CASK: variants seen among roughly 807,000 people sequenced by gnomAD.
The protein encoded by CASK is peripheral plasma membrane protein CASK.
Under a neutral mutation model 82.9 loss-of-function variants are expected in CASK, and 4 were observed. That is an observed-to-expected ratio of 0.05 (90% CI 0.02 to 0.11). The LOEUF is 0.11. CASK is among the 10% of genes least tolerant of loss of function. The pLI is 1.00. For missense variants in CASK, 358 were observed against 720.9 expected, an observed-to-expected ratio of 0.50 and a Z score of 5.76; for synonymous variants, 259 against 253.5, an observed-to-expected ratio of 1.02 and a Z score of -0.20.
chrX:41,747,778 C>G (rs374626953), intron 3 of CASK, among the ~76,000 whole-genome samples: 1 of 112,472 alleles, frequency 8.9e-6, no homozygotes, highest in East Asian at 2.8e-4. Flanking sequence ...AGACCAGAAA[C>G]AGTTTAACAA....
At chrX:41,789,770 C>T (rs984626286) in intron 2 of CASK, among the ~76,000 whole-genome samples, 1 of 111,674 alleles carries the variant, frequency 9.0e-6, no homozygotes, top group Non-Finnish European at 1.9e-5. Flanking sequence ...AAGTTTTTCT[C>T]TTTCCATTCC....
intron 5 of CASK, chrX:41,697,017 A>T: frequency 3.7e-6 from 1 of 272,864 alleles, no homozygotes; most frequent in Non-Finnish European, 6.8e-6. Flanking sequence ...TATGAAGTTA[A>T]GTGAAATTTA....
At chrX:41,618,825 CTTT>C (rs1207067880) in intron 11 of CASK, among the ~76,000 whole-genome samples, 2 of 89,883 alleles carry the variant, frequency 2.2e-5, no homozygotes, top group Admixed American at 1.2e-4. Context: ...TGTCCAATTT[CTTT>C]TTTTTTTTTT....
intron 2 of CASK, among the ~76,000 whole-genome samples, chrX:41,811,161 T>C (rs1460411512): frequency 1.8e-5 from 2 of 111,247 alleles, no homozygotes; most frequent in African/African-American, 3.3e-5. Context: ...CTGTCAACAT[T>C]AGACAGATAA....
At chrX:41,670,120 C>G (rs1391563882) in intron 6 of CASK, among the ~76,000 whole-genome samples, 1 of 111,969 alleles carries the variant, frequency 8.9e-6, no homozygotes, top group African/African-American at 3.3e-5. Flanking sequence ...GACTACTTTG[C>G]TCTCTGAGGT....
chrX:41,686,915 G>A (rs182521141), intron 5 of CASK, among the ~76,000 whole-genome samples: 14 of 111,907 alleles, frequency 1.3e-4, no homozygotes, highest in Admixed American at 1.2e-3. Context: ...AGCGTGAAGG[G>A]AAGAGGACAT....
chrX:41,923,229 G>A lies in CASK; in HGVS notation c.-241C>T, dbSNP rs2072820440. On this transcript the variant is annotated 5_prime_UTR_variant, in exon 1 of 27. Coordinates refer to ENST00000378163, the MANE Select transcript of CASK (RefSeq NM_001367721.1). ...GGAGCGAGGGCGGCCCGGGCCCGGC[G>A]CCGCCCGCCCGCCCGCTGCTTCTCG... is the stretch of plus-strand genomic sequence containing the variant. 9.4e-6 allele frequency: 1 copy of A among 106,382 alleles called. No individual in the cohort carries two copies. Among genetic ancestry groups the A allele is most frequent in the African/African-American group, 3.3e-5 (1 of 30,079 alleles). 8.8% of individuals were successfully genotyped at this position (106,382 alleles called of 1,213,427 possible). A position where few individuals can be genotyped will look rare whatever the true frequency, so the allele number is the denominator to read the frequency against.
At chrX:41,715,571 G>A (rs779525350) in intron 5 of CASK, among the ~76,000 whole-genome samples, 2 of 107,842 alleles carry the variant, frequency 1.9e-5, no homozygotes, top group Non-Finnish European at 3.8e-5. Flanking sequence ...GCAGCGAGCC[G>A]AGATTGCGCC....
Position 41,530,928 on chromosome X carries a change from G to A in CASK, c.2520+79C>T, listed in dbSNP as rs780511524. 3 of 911,097 alleles carry A rather than the reference G, an allele frequency of 3.3e-6. No individual in the cohort carries two copies. In the East Asian group the frequency reaches 9.3e-5, roughly 28 times the overall value. The allele number at this position is 911,097 out of a possible 1,213,427, so 75.1% of individuals were successfully genotyped here. Reference sequence around the variant, plus strand: ...ATTATTATGTGACCTGTGACTTTCTGATGGCATTTTTGATTTCAGAATCTG... The same window carrying A: ...ATTATTATGTGACCTGTGACTTTCTAATGGCATTTTTGATTTCAGAATCTG... On this transcript the variant is annotated intron_variant, in intron 25 of 26. Coordinates refer to ENST00000378163, the MANE Select transcript of CASK (RefSeq NM_001367721.1).
intron 5 of CASK, among the ~76,000 whole-genome samples, chrX:41,707,105 A>G (rs749771142): frequency 2.9e-4 from 32 of 112,220 alleles, no homozygotes; most frequent in African/African-American, 9.1e-4. Flanking sequence ...ATTGCCCCCA[A>G]TTCCTGGCCA....
chrX:41,772,643 T>G (rs2069267505), intron 3 of CASK, among the ~76,000 whole-genome samples: 1 of 111,417 alleles, frequency 9.0e-6, no homozygotes, highest in South Asian at 3.7e-4. Context: ...TTTAAGGAAT[T>G]GAACTAAGAT....
intron 21 of CASK, among the ~76,000 whole-genome samples, chrX:41,546,581 C>T (rs1342873477): frequency 9.0e-6 from 1 of 111,020 alleles, no homozygotes; most frequent in Admixed American, 9.6e-5. Context: ...TATTCTCATG[C>T]CTCAGCCTCT....
In CASK at chrX:41,696,716, A is replaced by G. The variant is rs1260379970; in HGVS notation, c.430-25186T>C. On this transcript the variant is annotated intron_variant, in intron 5 of 26. Transcript: ENST00000378163. ...GTGAAAGCACTTCAGAATTTAAACC[A>G]GGATACTCCCTGCATGATACATCTG... 5.0e-6 allele frequency: 6 copies of G among 1,206,772 alleles called. No homozygotes were observed. The South Asian group carries it at 8.8e-5, about 18-fold the overall frequency.
chrX:41,755,926 C>T (rs2068885708), intron 3 of CASK, among the ~76,000 whole-genome samples: 1 of 111,531 alleles, frequency 9.0e-6, no homozygotes, highest in African/African-American at 3.3e-5. Context: ...TGTTCACTGA[C>T]AAGAAGACTC....
intron 2 of CASK, among the ~76,000 whole-genome samples, chrX:41,841,230 C>A (rs1453098888): frequency 9.0e-6 from 1 of 111,458 alleles, no homozygotes. Flanking sequence ...TGTTTTTTTA[C>A]TACAGCCATT....
rs191796203 is a variant in CASK, at chrX:41,553,477, C to T, written c.2039+242G>A. 7.8e-4 allele frequency among the ~76,000 whole-genome samples: 86 copies of T among 110,892 alleles called. 1 individual carries two copies. In the South Asian group the frequency reaches 0.011, roughly 14 times the overall value. ...CATGACTTGGCTCAGGGCTGCTCAT[C>T]CAATCTCTTTCCAGACCTTCCTTTC... On this transcript the variant is annotated intron_variant, in intron 21 of 26. Transcript: ENST00000378163.
At chrX:41,545,477 G>A (rs1394322934) in intron 21 of CASK, among the ~76,000 whole-genome samples, 1 of 112,074 alleles carries the variant, frequency 8.9e-6, no homozygotes, top group African/African-American at 3.2e-5. Context: ...GTCCATTTAC[G>A]TATGAGAGTG....
In CASK at chrX:41,887,296, CCACACACACACACACA is replaced by C. The variant is rs3055225; in HGVS notation, c.60-34085_60-34070del. Among the ~76,000 whole-genome samples, 75 of 83,505 alleles carry C rather than the reference CCACACACACACACACA, an allele frequency of 9.0e-4. 1 individual carries two copies. The highest frequency in any genetic ancestry group is 3.1e-3 in the South Asian group (4 of 1,303). 72.5% of individuals were successfully genotyped at this position (83,505 alleles called of 115,157 possible). A position where few individuals can be genotyped will look rare whatever the true frequency, so the allele number is the denominator to read the frequency against. ...TATCTTTCTTTTAGGCTAGTTGAGT[CCACACACACACACACA>C]CACACACACACACACACACACACAC... On this transcript the variant is annotated intron_variant, in intron 1 of 26. Coordinates refer to ENST00000378163, the MANE Select transcript of CASK (RefSeq NM_001367721.1).
At chrX:41,674,697 T>C (rs1201944499) in intron 5 of CASK, among the ~76,000 whole-genome samples, 1 of 111,236 alleles carries the variant, frequency 9.0e-6, no homozygotes, top group East Asian at 2.8e-4. Context: ...GTGTTTAAAC[T>C]TGGTAAAAGC....
Sources: allele counts gnomAD v4.1 joint callset (sites outside exome capture counted in the v4.1 genomes callset), GRCh38; gene constraint gnomAD v4.1.1; transcripts MANE v1.5; gene names NCBI Gene and HGNC (gene_info 2026-07-23, HGNC 2026-07-21).